AKAP13: variants seen among roughly 807,000 people sequenced by gnomAD.
The protein encoded by AKAP13 is A-kinase anchor protein 13.
AKAP13 carries 80 observed loss-of-function variants against 264.5 expected under a neutral mutation model. The observed-to-expected ratio is 0.30, with a 90% CI of 0.25 to 0.36. AKAP13 has a LOEUF of 0.36. Among genes scored for constraint, AKAP13 ranks in the 10% least tolerant of loss-of-function variants. The pLI is 1.00. For missense variants in AKAP13, 3,712 were observed against 3,435.2 expected (o/e 1.08, Z -2.01); for synonymous variants, 1,380 against 1,250.2 (o/e 1.10, Z -2.19).
At chr15:85,591,884 T>C (rs1208495553) in intron 8 of AKAP13, among the ~76,000 whole-genome samples, 1 of 152,164 alleles carries the variant, frequency 6.6e-6, no homozygotes, top group African/African-American at 2.4e-5. Context: ...CAGTATATAT[T>C]GTCAGGGCTC....
intron 9 of AKAP13, among the ~76,000 whole-genome samples, chr15:85,643,894 A>T (rs1040372538): frequency 6.6e-6 from 1 of 152,168 alleles, no homozygotes; most frequent in African/African-American, 2.4e-5. Context: ...TCTACTTGAG[A>T]TGTTATTTAG....
At chr15:85,609,577 A>G (rs2080509102) in intron 8 of AKAP13, among the ~76,000 whole-genome samples, 1 of 152,226 alleles carries the variant, frequency 6.6e-6, no homozygotes, top group African/African-American at 2.4e-5. Flanking sequence ...ACTAAACATG[A>G]GAGTGAATAC....
intron 3 of AKAP13, among the ~76,000 whole-genome samples, chr15:85,526,450 T>C (rs2151172571): frequency 6.6e-6 from 1 of 151,960 alleles, no homozygotes; most frequent in Admixed American, 6.5e-5. Context: ...CACGTGTGTG[T>C]GTGTGTAGAT....
At position 85,748,858 on chromosome 15, in the gene AKAP13, T is replaced by TGCAGGAAGCAC. The variant is rs2089443603; in HGVS notation, c.*4182_*4192dup. On this transcript the variant is annotated 3_prime_UTR_variant, in exon 37 of 37. Coordinates refer to ENST00000394518, the MANE Select transcript of AKAP13 (RefSeq NM_007200.5). Reference sequence around the variant, plus strand: ...CTGTGCTGCAGTCCGGAGGGGCTTCTGCAGGAAGCACTCACCCCCCACACC... The same window carrying TGCAGGAAGCAC: ...CTGTGCTGCAGTCCGGAGGGGCTTCTGCAGGAAGCACGCAGGAAGCACTCACCCCCCACACC... 1 of 152,382 alleles carries TGCAGGAAGCAC rather than the reference T, an allele frequency of 6.6e-6. No homozygotes were observed. The highest frequency in any genetic ancestry group is 6.5e-5 in the Admixed American group (1 of 15,288). The allele number at this position is 152,382 out of a possible 1,614,324, so 9.4% of individuals were successfully genotyped here.
At chr15:85,432,793 G>T (rs1395146170) in intron 1 of AKAP13, among the ~76,000 whole-genome samples, 1 of 152,114 alleles carries the variant, frequency 6.6e-6, no homozygotes, top group Non-Finnish European at 1.5e-5. Flanking sequence ...CACTGGGGGA[G>T]GCTCTTAGCA....
At position 85,715,901 on chromosome 15, in the gene AKAP13, G is replaced by A. The variant is rs771160004; in HGVS notation, c.5713G>A (p.Val1905Ile). Residue 1905 changes from valine (V) to isoleucine (I), a missense_variant, in exon 20 of 37, where the codon GTC (valine) becomes ATC (isoleucine). By Grantham distance (29) the Val-to-Ile change is conservative (BLOSUM62 3). Coordinates refer to ENST00000394518, the MANE Select transcript of AKAP13 (RefSeq NM_007200.5). ...GCAGAGTGTCTCGCTCTCCAAAAGTGTCTCCATACAGAACATTACTGGGTA... is the reference window on the plus strand; with the variant it reads ...GCAGAGTGTCTCGCTCTCCAAAAGTATCTCCATACAGAACATTACTGGGTA... ...SQQSVSLSKS[V>I]SIQNITGVGN... The A allele has an allele frequency of 5.0e-6, 8 of 1,612,198 alleles. No individual in the cohort carries two copies. Among genetic ancestry groups the A allele is most frequent in the Non-Finnish European group, 8.5e-7 (1 of 1,179,616 alleles).
At position 85,392,363 on chromosome 15, in the gene AKAP13, T is replaced by A. The variant is rs188064929; in HGVS notation, c.-12+11565T>A. On this transcript the variant is annotated intron_variant, in intron 1 of 36. Transcript: ENST00000394518. ...TCTGCCTCCCAGGTTCAAGTGATTC[T>A]CCTGCCTCAGCCTCCTGAGTAGCTG... is the stretch of plus-strand genomic sequence containing the variant. Among the ~76,000 whole-genome samples the A allele has an allele frequency of 2.1e-3, 317 of 150,342 alleles. 1 individual carries two copies. The highest frequency in any genetic ancestry group is 7.4e-3 in the African/African-American group (303 of 40,862).
At chr15:85,735,692 T>C (rs1456429528) in intron 32 of AKAP13, 62 bp downstream of exon 32, 2 of 1,470,586 alleles carry the variant, frequency 1.4e-6, no homozygotes, top group Non-Finnish European at 1.9e-6. Flanking sequence ...TCATAACCTT[T>C]GAAATTATTT....
chr15:85,631,244 T>TA (rs909377161), intron 8 of AKAP13, among the ~76,000 whole-genome samples: 2 of 152,092 alleles, frequency 1.3e-5, no homozygotes, highest in African/African-American at 4.8e-5. Context: ...GAGATAGAAA[T>TA]ACATTCGTGG....
chr15:85,440,869 A>AT (rs1431874706), intron 1 of AKAP13, among the ~76,000 whole-genome samples: 1 of 152,194 alleles, frequency 6.6e-6, no homozygotes, highest in Non-Finnish European at 1.5e-5. Flanking sequence ...TGTGGTGGAA[A>AT]TTTTTAAAAA....
chr15:85,546,387 C>A (rs1280368080), intron 5 of AKAP13, among the ~76,000 whole-genome samples: 1 of 149,562 alleles, frequency 6.7e-6, no homozygotes, highest in East Asian at 1.9e-4. Context: ...ACCTAGATGT[C>A]CATCACAGAT....
chr15:85,734,027 A>T (rs2088252799), intron 30 of AKAP13, among the ~76,000 whole-genome samples: 1 of 151,448 alleles, frequency 6.6e-6, no homozygotes, highest in Admixed American at 6.6e-5. Context: ...TTTTTAGTAA[A>T]GACGGGGTTT....
chr15:85,468,093 T>G (rs190382753), intron 1 of AKAP13, among the ~76,000 whole-genome samples: 1 of 152,358 alleles, frequency 6.6e-6, no homozygotes, highest in East Asian at 1.9e-4. Context: ...ATGAATATTA[T>G]AAGACTATGT....
intron 8 of AKAP13, among the ~76,000 whole-genome samples, chr15:85,625,695 G>A (rs1303626621): frequency 2.6e-5 from 4 of 152,106 alleles, no homozygotes; most frequent in African/African-American, 2.4e-5. Flanking sequence ...GACCCCCATC[G>A]CTTAAAAAAC....
At chr15:85,621,024 C>T (rs2081162752) in intron 8 of AKAP13, among the ~76,000 whole-genome samples, 1 of 152,188 alleles carries the variant, frequency 6.6e-6, no homozygotes, top group African/African-American at 2.4e-5. Flanking sequence ...CAGAAAGAAC[C>T]TCAGTAACTG....
At chr15:85,682,415 C>T (rs1039629046) in intron 15 of AKAP13, among the ~76,000 whole-genome samples, 7 of 152,152 alleles carry the variant, frequency 4.6e-5, no homozygotes, top group African/African-American at 1.2e-4. Context: ...ATTAATTATA[C>T]TGTCCTCATG....
At chr15:85,616,406 A>G (rs1295945646) in intron 8 of AKAP13, among the ~76,000 whole-genome samples, 1 of 152,190 alleles carries the variant, frequency 6.6e-6, no homozygotes, top group Non-Finnish European at 1.5e-5. Flanking sequence ...ATATTTTTAT[A>G]TTTCATTTTC....
chr15:85,400,411 TA>T (rs926463029), intron 1 of AKAP13, among the ~76,000 whole-genome samples: 8 of 149,044 alleles, frequency 5.4e-5, no homozygotes, highest in South Asian at 4.2e-4. Flanking sequence ...ATCCTGTCTC[TA>T]AAAAAAAAAT....
intron 17 of AKAP13, among the ~76,000 whole-genome samples, chr15:85,704,363 C>A (rs571959568): frequency 6.6e-6 from 1 of 152,126 alleles, no homozygotes; most frequent in Non-Finnish European, 1.5e-5. Context: ...CTTAAGTTAG[C>A]CTCGCTAATG....
Sources: allele counts gnomAD v4.1 joint callset (sites outside exome capture counted in the v4.1 genomes callset), GRCh38; gene constraint gnomAD v4.1.1; transcripts MANE v1.5; gene names NCBI Gene and HGNC (gene_info 2026-07-23, HGNC 2026-07-21).